The following LHPP variants were observed in gnomAD, a reference collection of about 807,000 sequenced individuals.
LHPP encodes hLHPP.
In LHPP, 24 loss-of-function variants were observed where a neutral mutation model predicts 30.3. That is an observed-to-expected ratio of 0.79 (90% CI 0.57 to 1.11). The LOEUF is 1.11. Ranked by LOEUF, LHPP falls within the 50% of genes most tolerant of loss-of-function variation. The probability of loss-of-function intolerance (pLI) is 0.00; values close to 1 mark genes in which losing one functional copy is unlikely to be tolerated. For synonymous variants in LHPP, 150 were observed against 157.1 expected, an observed-to-expected ratio of 0.95 and a Z score of 0.34; for missense variants, 356 against 367.2, an observed-to-expected ratio of 0.97 and a Z score of 0.25.
At chr10:124,543,383 G>T (rs11597830) in intron 6 of LHPP, among the ~76,000 whole-genome samples, 1 of 152,198 alleles carries the variant, frequency 6.6e-6, no homozygotes, top group Non-Finnish European at 1.5e-5. Context: ...TCTTTCCAGC[G>T]AGGACAGTGC....
intron 6 of LHPP, among the ~76,000 whole-genome samples, chr10:124,604,754 A>G (rs1448310727): frequency 6.6e-6 from 1 of 152,180 alleles, no homozygotes; most frequent in Non-Finnish European, 1.5e-5. Flanking sequence ...CCCTGAATTC[A>G]CTGGGCAGCC....
chr10:124,529,073 C>G (rs1954821049), intron 6 of LHPP, among the ~76,000 whole-genome samples: 1 of 137,014 alleles, frequency 7.3e-6, no homozygotes, highest in African/African-American at 2.8e-5. Flanking sequence ...GCTCTGTCGC[C>G]CAGGCTGGAG....
chr10:124,467,890 A>G (rs897615148), intron 1 of LHPP, among the ~76,000 whole-genome samples: 5 of 152,016 alleles, frequency 3.3e-5, no homozygotes, highest in African/African-American at 1.2e-4. Context: ...TTGTATTTTT[A>G]GTAGAGACGG....
At chr10:124,586,053 G>A (rs1186392322) in intron 6 of LHPP, among the ~76,000 whole-genome samples, 8 of 150,862 alleles carry the variant, frequency 5.3e-5, no homozygotes, top group Admixed American at 6.6e-5. Flanking sequence ...CAAAGTGCTG[G>A]GATTACAGGC....
intron 1 of LHPP, among the ~76,000 whole-genome samples, chr10:124,472,240 G>T (rs1284199631): frequency 7.9e-5 from 12 of 152,100 alleles, no homozygotes; most frequent in Non-Finnish European, 1.8e-4. Flanking sequence ...TTGAACCCGA[G>T]AGGCAGAGGC....
At chr10:124,587,342 T>C (rs1367241162) in intron 6 of LHPP, among the ~76,000 whole-genome samples, 2 of 151,816 alleles carry the variant, frequency 1.3e-5, no homozygotes, top group Non-Finnish European at 2.9e-5. Flanking sequence ...GCCTCCACTT[T>C]CTGTGGTGTA....
intron 5 of LHPP, among the ~76,000 whole-genome samples, chr10:124,506,828 G>A (rs1376219671): frequency 7.1e-5 from 3 of 42,080 alleles, no homozygotes; most frequent in African/African-American, 2.4e-4. Context: ...TGGGGGGGTA[G>A]GGAGGATTTC....
At chr10:124,568,381 C>T (rs1278723275) in intron 6 of LHPP, among the ~76,000 whole-genome samples, 1 of 152,220 alleles carries the variant, frequency 6.6e-6, no homozygotes, top group Non-Finnish European at 1.5e-5. Context: ...TTGCCTGCAA[C>T]CCCCATCCCC....
intron 5 of LHPP, among the ~76,000 whole-genome samples, chr10:124,504,541 A>C (rs1035714168): frequency 2.0e-5 from 3 of 150,176 alleles, no homozygotes; most frequent in African/African-American, 7.4e-5. Flanking sequence ...TTGAGGTTGC[A>C]GCAAGCTGAG....
chr10:124,486,972 G>A (rs746578587), intron 2 of LHPP, among the ~76,000 whole-genome samples: 2 of 152,252 alleles, frequency 1.3e-5, no homozygotes, highest in African/African-American at 2.4e-5. Flanking sequence ...GTCCTGCTGA[G>A]TTAACCCTTT....
chr10:124,613,574 G>A lies in LHPP; in HGVS notation c.*214G>A. Reference sequence around the variant, plus strand: ...TCTGCCCTCTGCCCTGCATGGGCAGGCATTTGTTCCCTACCTGGGTGGCCT... The same window carrying A: ...TCTGCCCTCTGCCCTGCATGGGCAGACATTTGTTCCCTACCTGGGTGGCCT... On this transcript the variant is annotated 3_prime_UTR_variant, in exon 7 of 7. Coordinates refer to ENST00000368842, the MANE Select transcript of LHPP (RefSeq NM_022126.4). The A allele has an allele frequency of 1.7e-6, 1 of 595,418 alleles. No individual in the cohort carries two copies. The allele number at this position is 595,418 out of a possible 1,614,324, so 36.9% of individuals were successfully genotyped here. A position where few individuals can be genotyped will look rare whatever the true frequency, so the allele number is the denominator to read the frequency against.
intron 6 of LHPP, among the ~76,000 whole-genome samples, chr10:124,574,585 C>T (rs4962384): frequency 0.22 from 33,058 of 151,518 alleles, 3,859 homozygotes; most frequent in East Asian, 0.37. Flanking sequence ...CAAGGGTCAA[C>T]CAAAGTCCTG....
intron 6 of LHPP, among the ~76,000 whole-genome samples, chr10:124,566,664 T>A (rs901256244): frequency 6.6e-6 from 1 of 151,210 alleles, no homozygotes. Context: ...CCTTTTGGGG[T>A]CTTTTGTGCA....
At chr10:124,538,021 G>A (rs1441550115) in intron 6 of LHPP, among the ~76,000 whole-genome samples, 2 of 152,206 alleles carry the variant, frequency 1.3e-5, no homozygotes, top group Non-Finnish European at 1.5e-5. Flanking sequence ...TGCCATTCCA[G>A]GCCCCCTTCC....
chr10:124,586,966 G>C (rs1467459456), intron 6 of LHPP, among the ~76,000 whole-genome samples: 1 of 150,788 alleles, frequency 6.6e-6, no homozygotes, highest in East Asian at 1.9e-4. Flanking sequence ...GATTTTAAAG[G>C]TAACAAACAA....
At chr10:124,500,728 T>TAA (rs57518134) in intron 5 of LHPP, among the ~76,000 whole-genome samples, 1 of 147,598 alleles carries the variant, frequency 6.8e-6, no homozygotes, top group East Asian at 2.0e-4. Flanking sequence ...ACTGTATAGT[T>TAA]AAAAAAAAAA....
intron 6 of LHPP, among the ~76,000 whole-genome samples, chr10:124,553,451 T>C (rs1948220220): frequency 2.8e-5 from 1 of 35,616 alleles, no homozygotes; most frequent in Non-Finnish European, 4.7e-5. Flanking sequence ...CAGCCATTCT[T>C]TTTTTTTTTT....
In LHPP at chr10:124,529,026, C is replaced by CTT. The variant is rs4022274; in HGVS notation, c.716+11777_716+11778dup. 6.5e-3 allele frequency among the ~76,000 whole-genome samples: 507 copies of CTT among 78,214 alleles called. 14 individuals are homozygous for CTT. The highest frequency in any genetic ancestry group is 0.034 in the African/African-American group (483 of 14,048). 51.3% of individuals were successfully genotyped at this position (78,214 alleles called of 152,430 possible). ...CCTGGGTTTGTGAATTTGGGGGATT[C>CTT]TTTTTTTTTTTTTTTTTTTTTTTGA... On this transcript the variant is annotated intron_variant, in intron 6 of 6. Coordinates refer to ENST00000368842, the MANE Select transcript of LHPP (RefSeq NM_022126.4).
chr10:124,462,736 C>T lies in LHPP; in HGVS notation c.125+749C>T, dbSNP rs182370532. Among the ~76,000 whole-genome samples, 301 of 152,362 alleles carry T rather than the reference C, an allele frequency of 2.0e-3. 6 individuals are homozygous for T. Among genetic ancestry groups the T allele is most frequent in the African/African-American group, 6.6e-3 (276 of 41,594 alleles). On this transcript the variant is annotated intron_variant, in intron 1 of 6. Coordinates refer to ENST00000368842, the MANE Select transcript of LHPP (RefSeq NM_022126.4). ...CTTTTCAGATGGAGTCTTGCTCTGT[C>T]GCCCAGGCTGGAGTGCAATGGCACG...
Sources: gnomAD v4.1 joint callset for allele counts (sites outside exome capture counted in the v4.1 genomes callset) on GRCh38, gnomAD v4.1.1 for gene constraint, MANE v1.5 for transcripts, NCBI Gene and HGNC (gene_info 2026-07-23, HGNC 2026-07-21) for gene names.